Variants in AKR1B15 observed in about 807,000 individuals in gnomAD.
AKR1B15 encodes the protein aldo-keto reductase family 1 member B15, also known as estradiol 17-beta-dehydrogenase AKR1B15.
A neutral mutation model predicts 38.5 loss-of-function variants in AKR1B15; 49 were observed. That is an observed-to-expected ratio of 1.27 (90% CI 1.01 to 1.62). AKR1B15 has a LOEUF of 1.62. Ranked by LOEUF, AKR1B15 falls within the 40% of genes most tolerant of loss-of-function variation. The pLI is 0.00. For synonymous variants in AKR1B15, 137 were observed against 135.5 expected (o/e 1.01, Z -0.08); for missense variants, 411 against 381.6 (o/e 1.08, Z -0.64).
intron 2 of AKR1B15, among the ~76,000 whole-genome samples, chr7:134,561,682 G>C (rs1179306510): frequency 6.6e-6 from 1 of 152,040 alleles, no homozygotes; most frequent in East Asian, 1.9e-4. Flanking sequence ...TCATCAACAA[G>C]AACATGTAAA....
Position 134,556,858 on chromosome 7 carries a change from A to G in AKR1B15, c.-24A>G, listed in dbSNP as rs1424769357. 6.6e-6 allele frequency: 1 copy of G among 152,186 alleles called. No homozygotes were observed. Among genetic ancestry groups the G allele is most frequent in the Non-Finnish European group, 1.5e-5 (1 of 68,044 alleles). 9.4% of individuals were successfully genotyped at this position (152,186 alleles called of 1,614,324 possible). A position where few individuals can be genotyped will look rare whatever the true frequency, so the allele number is the denominator to read the frequency against. Reference sequence around the variant, plus strand: ...ACTGGACTAATATCACTATCTCAACAGGTAGATGCTGATTTAAGCAATCTC... The same window carrying G: ...ACTGGACTAATATCACTATCTCAACGGGTAGATGCTGATTTAAGCAATCTC... On this transcript the variant is annotated splice_region_variant and 5_prime_UTR_variant, in exon 2 of 12. Transcript: ENST00000457545.
intron 1 of AKR1B15, among the ~76,000 whole-genome samples, chr7:134,553,389 G>A (rs537295627): frequency 1.3e-4 from 20 of 152,256 alleles, no homozygotes; most frequent in East Asian, 3.9e-4. Flanking sequence ...TTTTGTTCAT[G>A]AAAACCAAGG....
chr7:134,570,698 G>A (rs10240016), intron 5 of AKR1B15, among the ~76,000 whole-genome samples: 3,108 of 152,306 alleles, frequency 0.02, 113 homozygotes, highest in African/African-American at 0.071. Context: ...GCAGAGTGGT[G>A]TGGACTGGAG....
chr7:134,579,510 C>G lies in AKR1B15; in HGVS notation c.996C>G (p.Phe332Leu). Residue 332 changes from phenylalanine to leucine, a missense_variant, in exon 12 of 12, where the codon TTC becomes TTG. By Grantham distance (22) the Phe-to-Leu change is conservative (BLOSUM62 0). This residue lies in a region of AKR1B15 where 133 missense variants were observed against 120.3 expected (regional missense o/e 1.11). Transcript: ENST00000457545. ...TTTTTTTTCTCTCTCTCTGTAGATT[C>G]TCTCATTTGGAGGACTTTCCCTTCG... ...RNWRAFDFKE[F>L]SHLEDFPFDA... The G allele has an allele frequency of 6.3e-7, 1 of 1,589,734 alleles. No homozygotes were observed. The highest frequency in any genetic ancestry group is 8.6e-7 in the Non-Finnish European group (1 of 1,168,280).
intron 1 of AKR1B15, among the ~76,000 whole-genome samples, chr7:134,551,779 A>G (rs1468702280): frequency 1.3e-5 from 2 of 152,184 alleles, no homozygotes; most frequent in Admixed American, 1.3e-4. Context: ...ACTCCCCTAT[A>G]AAGAAACCAA....
At chr7:134,562,833 TC>T (rs1427150749) in intron 2 of AKR1B15, among the ~76,000 whole-genome samples, 13 of 7,422 alleles carry the variant, frequency 1.8e-3, no homozygotes, top group African/African-American at 6.7e-3. Context: ...CCTTCCTTTC[TC>T]TTTCTTTCTT....
chr7:134,573,989 T>C (rs1562951566), intron 6 of AKR1B15, among the ~76,000 whole-genome samples: 2 of 152,168 alleles, frequency 1.3e-5, no homozygotes, highest in African/African-American at 2.4e-5. Context: ...AGCCTTGGAC[T>C]CCTGGGCTCA....
chr7:134,550,935 C>T (rs777637908), intron 1 of AKR1B15, among the ~76,000 whole-genome samples: 5 of 152,106 alleles, frequency 3.3e-5, no homozygotes, highest in Non-Finnish European at 5.9e-5. Flanking sequence ...TTGGAACTCC[C>T]GGTCACCCCG....
At chr7:134,577,071 G>T in intron 10 of AKR1B15, 25 bp downstream of exon 10, 1 of 1,595,140 alleles carries the variant, frequency 6.3e-7, no homozygotes, top group South Asian at 1.1e-5. Context: ...GGTCGGGCCT[G>T]GTATTCCTCA....
intron 6 of AKR1B15, chr7:134,573,274 A>G (rs1208212115): frequency 2.9e-6 from 2 of 680,112 alleles, no homozygotes; most frequent in East Asian, 2.7e-4. Context: ...CAAGGGATCC[A>G]CCCGTCTCAG....
At chr7:134,579,459 T>C in intron 11 of AKR1B15, 48 bp from the exon 12 acceptor site, 1 of 1,497,632 alleles carries the variant, frequency 6.7e-7, no homozygotes, top group Non-Finnish European at 9.0e-7. Flanking sequence ...GCGAGAGTTG[T>C]TGCTTTGATG....
At chr7:134,571,764 G>A (rs369947302) in intron 6 of AKR1B15, 83 bp downstream of exon 6, 2 of 1,041,948 alleles carry the variant, frequency 1.9e-6, no homozygotes, top group South Asian at 1.4e-5. Flanking sequence ...AAGAGGCCAT[G>A]TGCCTGATGC....
rs1187900680 is a variant in AKR1B15 at position 134,560,788 on chromosome 7, A to C, written c.-22-3810A>C. The stretch of plus-strand genomic sequence containing the variant: ...AAAAGTACCACGAAAGACGGCGAAC[A>C]CCACAACCTTGAGCAAAGGCCATTC... On this transcript the variant is annotated intron_variant, in intron 2 of 11. Coordinates refer to ENST00000457545, the MANE Select transcript of AKR1B15 (RefSeq NM_001080538.3). 2.6e-5 allele frequency among the ~76,000 whole-genome samples: 4 copies of C among 152,214 alleles called. No individual in the cohort carries two copies. In the East Asian group the frequency reaches 5.8e-4, roughly 22 times the overall value.
At chr7:134,575,657 A>T in intron 7 of AKR1B15, 115 bp downstream of exon 7, 1 of 1,576,944 alleles carries the variant, frequency 6.3e-7, no homozygotes, top group Non-Finnish European at 8.6e-7. Flanking sequence ...TGATCAGGAC[A>T]CTTTGGGGAG....
intron 3 of AKR1B15, among the ~76,000 whole-genome samples, chr7:134,566,412 A>C (rs1794536282): frequency 6.6e-6 from 1 of 152,156 alleles, no homozygotes; most frequent in Non-Finnish European, 1.5e-5. Context: ...AATCTGCAAC[A>C]TGCTGGGACT....
intron 2 of AKR1B15, among the ~76,000 whole-genome samples, chr7:134,562,082 C>G (rs926020582): frequency 1.3e-5 from 2 of 152,148 alleles, no homozygotes; most frequent in Admixed American, 6.5e-5. Context: ...CTCCTAGGTT[C>G]AAGCAATTCT....
intron 2 of AKR1B15, among the ~76,000 whole-genome samples, chr7:134,559,208 C>T (rs1794306675): frequency 6.6e-6 from 1 of 151,990 alleles, no homozygotes; most frequent in Admixed American, 6.6e-5. Flanking sequence ...TTCAGTCATC[C>T]CGTATGGAGA....
intron 3 of AKR1B15, 44 bp from the exon 4 acceptor site, chr7:134,568,113 TA>T (rs761369683): frequency 1.8e-3 from 2,512 of 1,391,444 alleles, no homozygotes; most frequent in South Asian, 3.9e-3. Context: ...TCTCATCTCT[TA>T]AAAAAAAAAT....
intron 2 of AKR1B15, among the ~76,000 whole-genome samples, chr7:134,562,848 T>TTCTTTCTG (rs1794441456): frequency 1.1e-5 from 1 of 94,170 alleles, no homozygotes; most frequent in East Asian, 2.2e-4. Context: ...CTTTCTTTCT[T>TTCTTTCTG]TCTTTCTTTC....
Sources: gnomAD v4.1 joint callset for allele counts (sites outside exome capture counted in the v4.1 genomes callset) on GRCh38, gnomAD v4.1.1 for gene constraint, gnomAD v4.1.1 regional missense constraint, MANE v1.5 for transcripts, NCBI Gene and HGNC (gene_info 2026-07-23, HGNC 2026-07-21) for gene names.